Variants in MOK observed in about 807,000 individuals in gnomAD.
MOK encodes the protein MAPK/MAK/MRK overlapping kinase.
A neutral mutation model predicts 54.2 loss-of-function variants in MOK; 59 were observed. That is an observed-to-expected ratio of 1.09 (90% CI 0.88 to 1.35). The LOEUF (loss-of-function observed/expected upper bound fraction) is 1.35, where lower values mean the gene tolerates loss of function less well. MOK is among the 40% of genes most tolerant of loss of function. The pLI is 0.00. For synonymous variants in MOK, 210 were observed against 202.7 expected, an observed-to-expected ratio of 1.04 and a Z score of -0.31; for missense variants, 517 against 526.2, an observed-to-expected ratio of 0.98 and a Z score of 0.17.
the MOK span, chr14:102,215,095 TA>T: frequency 1.5e-6 from 1 of 663,202 alleles, no homozygotes; most frequent in Non-Finnish European, 1.9e-6. Context: ...GCTGTAAAAT[TA>T]AGGACCTTGT....
At chr14:102,280,486 C>G (rs2069301473) in intron 2 of MOK, among the ~76,000 whole-genome samples, 1 of 152,120 alleles carries the variant, frequency 6.6e-6, no homozygotes, top group African/African-American at 2.4e-5. Context: ...GCTGGGATTA[C>G]AAGGCATGAG....
At chr14:102,217,979 T>C in the MOK span, among the ~76,000 whole-genome samples, 1 of 152,230 alleles carries the variant, frequency 6.6e-6, no homozygotes, top group African/African-American at 2.4e-5. Flanking sequence ...GGGCCAAGGC[T>C]GGCCTTCTCC....
chr14:102,258,997 C>T (rs933727845), intron 4 of MOK, among the ~76,000 whole-genome samples: 1 of 150,014 alleles, frequency 6.7e-6, no homozygotes, highest in Non-Finnish European at 1.5e-5. Context: ...ACCCAGGAGA[C>T]GGAGGATGCA....
chr14:102,227,357 T>C (rs114200525), downstream of MOK, among the ~76,000 whole-genome samples: 652 of 140,598 alleles, frequency 4.6e-3, 7 homozygotes, highest in African/African-American at 0.016. Flanking sequence ...TCCCCAGCCT[T>C]CTGTCCCCCA....
At chr14:102,292,275 C>T (rs1429899537) in intron 1 of MOK, among the ~76,000 whole-genome samples, 1 of 151,860 alleles carries the variant, frequency 6.6e-6, no homozygotes, top group East Asian at 1.9e-4. Flanking sequence ...AGATCGAGAC[C>T]ATCCTGGCTA....
intron 7 of MOK, among the ~76,000 whole-genome samples, chr14:102,234,389 G>A (rs888333265): frequency 5.3e-5 from 8 of 152,042 alleles, no homozygotes; most frequent in African/African-American, 1.9e-4. Flanking sequence ...GCCAGGGTGA[G>A]TAAAAAGAGA....
the MOK span, among the ~76,000 whole-genome samples, chr14:102,216,833 G>T: frequency 1.3e-5 from 2 of 152,162 alleles, no homozygotes; most frequent in Non-Finnish European, 2.9e-5. Context: ...GGAAGGCTGA[G>T]GCACCATGAA....
At chr14:102,241,074 A>T (rs907405251) in intron 7 of MOK, among the ~76,000 whole-genome samples, 3 of 152,170 alleles carry the variant, frequency 2.0e-5, no homozygotes, top group Admixed American at 6.5e-5. Context: ...TTTTGTCGAA[A>T]AATGGGCAAA....
chr14:102,218,952 G>T, the MOK span, among the ~76,000 whole-genome samples: 1 of 152,204 alleles, frequency 6.6e-6, no homozygotes, highest in Non-Finnish European at 1.5e-5. Flanking sequence ...GCCGGGCCTT[G>T]CCCCTTTTCT....
intron 4 of MOK, among the ~76,000 whole-genome samples, chr14:102,255,184 G>A (rs999123681): frequency 3.3e-5 from 5 of 152,040 alleles, no homozygotes; most frequent in African/African-American, 9.7e-5. Context: ...CAGGCGTGGC[G>A]GCAGGCGCCT....
chr14:102,229,403 C>T lies in MOK; in HGVS notation c.1183-37G>A, dbSNP rs768306608. 60 of 1,613,822 alleles carry T rather than the reference C, an allele frequency of 3.7e-5. No individual in the cohort carries two copies. In the South Asian group the frequency reaches 5.4e-4, roughly 14 times the overall value. On this transcript the variant is annotated intron_variant, in intron 11 of 11. Transcript: ENST00000361847. ...AAATTACAGACACAAAATTCAGTGG[C>T]GGCCTGGGCTGGGTCGAAGAGCAGC...
At chr14:102,268,794 A>G (rs1401371790) in intron 2 of MOK, among the ~76,000 whole-genome samples, 2 of 152,038 alleles carry the variant, frequency 1.3e-5, no homozygotes, top group Non-Finnish European at 2.9e-5. Flanking sequence ...GGGTGCCTGT[A>G]GTCCCAGCTA....
At chr14:102,253,119 A>T (rs899487653) in intron 4 of MOK, among the ~76,000 whole-genome samples, 14 of 152,228 alleles carry the variant, frequency 9.2e-5, no homozygotes, top group Non-Finnish European at 1.6e-4. Context: ...ACTGCCAATT[A>T]AAAAATTAAT....
chr14:102,215,218 T>C, the MOK span, among the ~76,000 whole-genome samples: 4 of 152,236 alleles, frequency 2.6e-5, no homozygotes, highest in Non-Finnish European at 5.9e-5. Context: ...GATACTGTTT[T>C]ATGTGGTCCT....
At chr14:102,241,267 CCCAGGCTAATCCTCG>C (rs1210005760) in intron 7 of MOK, among the ~76,000 whole-genome samples, 1 of 152,270 alleles carries the variant, frequency 6.6e-6, no homozygotes, top group South Asian at 2.1e-4. Context: ...TCCCTTCCTC[CCCAGGCTAATCCTCG>C]CCAGGCTGAG....
chr14:102,232,443 C>T lies in MOK; in HGVS notation c.866+92G>A, dbSNP rs1405795347. The T allele has an allele frequency of 1.4e-6, 2 of 1,441,752 alleles. No individual in the cohort carries two copies. Among genetic ancestry groups the T allele is most frequent in the Non-Finnish European group, 1.9e-6 (2 of 1,063,916 alleles). The allele number at this position is 1,441,752 out of a possible 1,614,324, so 89.3% of individuals were successfully genotyped here. A position where few individuals can be genotyped will look rare whatever the true frequency, so the allele number is the denominator to read the frequency against. The stretch of plus-strand genomic sequence containing the variant: ...GCGCGATTCCCAAGAACCAGGGACC[C>T]TCCAGGGGGCAGTACCTTGCCCCAC... On this transcript the variant is annotated intron_variant, in intron 9 of 11. Coordinates refer to ENST00000361847, the MANE Select transcript of MOK (RefSeq NM_014226.3). The surrounding 1 kb of genome is among the most constrained non-coding windows in gnomAD (Gnocchi z 5.1).
At chr14:102,251,118 T>C in intron 6 of MOK, 128 bp from the exon 7 acceptor site, 1 of 1,010,052 alleles carries the variant, frequency 9.9e-7, no homozygotes, top group Non-Finnish European at 1.4e-6. Context: ...AAATACAAAT[T>C]ACTGGCTTTC....
chr14:102,221,454 C>T (rs1226337245), downstream of MOK, among the ~76,000 whole-genome samples: 3 of 152,204 alleles, frequency 2.0e-5, no homozygotes, highest in African/African-American at 7.2e-5. The surrounding 1 kb of genome is among the most constrained non-coding windows in gnomAD (Gnocchi z 4.8). Context: ...GGTCAGGAAC[C>T]TGCTGCCCAG....
rs930941485 is a variant in MOK at position 102,249,174 on chromosome 14, G to A, written c.590+1638C>T. On this transcript the variant is annotated intron_variant, in intron 7 of 11. Transcript: ENST00000361847. The surrounding 1 kb of genome is among the most constrained non-coding windows in gnomAD (Gnocchi z 5.3). ...TCCACTTTACCAATAGGTCCGACAT[G>A]TGTTTTCTAAGAGGCAAAAGACAGA... 4.6e-5 allele frequency among the ~76,000 whole-genome samples: 7 copies of A among 152,186 alleles called. No individual in the cohort carries two copies. Among genetic ancestry groups the A allele is most frequent in the African/African-American group, 1.7e-4 (7 of 41,444 alleles).
Sources: gnomAD v4.1 joint callset for allele counts (sites outside exome capture counted in the v4.1 genomes callset) on GRCh38, gnomAD v4.1.1 for gene constraint, Gnocchi (gnomAD v3.1) non-coding constraint, MANE v1.5 for transcripts, NCBI Gene and HGNC (gene_info 2026-07-23, HGNC 2026-07-21) for gene names.